Variants in ODAD1 observed in about 807,000 individuals in gnomAD.
The protein encoded by ODAD1 is outer dynein arm docking complex subunit 1.
Under a neutral mutation model 67.2 loss-of-function variants are expected in ODAD1, and 49 were observed. That is an observed-to-expected ratio of 0.73 (90% CI 0.58 to 0.92). The LOEUF is 0.92. ODAD1 is among the 40% of genes least tolerant of loss of function. The probability of loss-of-function intolerance (pLI) is 0.00; values close to 1 mark genes in which losing one functional copy is unlikely to be tolerated. For missense variants in ODAD1, 897 were observed against 953.7 expected (o/e 0.94, Z 0.78); for synonymous variants, 345 against 393.7 (o/e 0.88, Z 1.46).
chr19:48,309,255 G>C (rs1333312599), intron 7 of ODAD1, among the ~76,000 whole-genome samples: 2 of 152,180 alleles, frequency 1.3e-5, no homozygotes, highest in African/African-American at 4.8e-5. Flanking sequence ...CAAGTACCCG[G>C]TAAGGTCCCT....
chr19:48,321,859 G>A lies in ODAD1; in HGVS notation c.-245C>T. 2.5e-6 allele frequency: 1 copy of A among 398,624 alleles called. No individual in the cohort carries two copies. 24.7% of individuals were successfully genotyped at this position (398,624 alleles called of 1,614,324 possible). The stretch of plus-strand genomic sequence containing the variant: ...GTGTCGAAGCCGGGAGTTGCGCGGA[G>A]AAGGAGCGCTCAACACAGCCTCAGC... On this transcript the variant is annotated 5_prime_UTR_variant, in exon 1 of 16. Coordinates refer to ENST00000674294, the MANE Select transcript of ODAD1 (RefSeq NM_001364171.2).
At position 48,298,268 on chromosome 19, in the gene ODAD1, C is replaced by T. The variant is rs201757586; in HGVS notation, c.1313G>A (p.Ser438Asn). The change falls in exon 13 of 16, where the codon AGC becomes AAC. Residue 438 changes from serine (S) to asparagine (N), a missense_variant. Physicochemically the swap from Ser to Asn is conservative, Grantham distance 46. Transcript: ENST00000674294. ...MIDDLLGVKTSMGDRDMGLFL... is the reference protein window; with the variant it reads ...MIDDLLGVKTNMGDRDMGLFL... ...GAGGCCCATGTCCCGGTCTCCCATG[C>T]TGGTCTTGACCCCAAGGAGGTCATC... 4.0e-5 allele frequency: 65 copies of T among 1,614,176 alleles called. No homozygotes were observed. In the Admixed American group the frequency reaches 7.3e-4, roughly 18 times the overall value.
At position 48,318,639 on chromosome 19, in the gene ODAD1, C is replaced by A. The variant is rs73047547; in HGVS notation, c.171-63G>T. ...GGGCAGAACTCAGCATCACTAAAGG[C>A]AGGACCCAGGAGTCCAGTCTTCAGC... is the stretch of plus-strand genomic sequence containing the variant. On this transcript the variant is annotated intron_variant, in intron 4 of 15. Transcript: ENST00000674294. 248,010 of 1,537,564 alleles carry A rather than the reference C, an allele frequency of 0.16. 21,724 individuals carry two copies. The highest frequency in any genetic ancestry group is 0.19 in the Middle Eastern group (1,151 of 5,964).
At position 48,321,775 on chromosome 19, in the gene ODAD1, G is replaced by A; in HGVS notation, c.-161C>T. On this transcript the variant is annotated 5_prime_UTR_variant, in exon 1 of 16. Coordinates refer to ENST00000674294, the MANE Select transcript of ODAD1 (RefSeq NM_001364171.2). ...GGTCCTACAAGACGGAGCCCGAGAG[G>A]TGCCGGTCTTAAGCTGACTGTGACC... The A allele has an allele frequency of 5.0e-6, 2 of 398,620 alleles. No individual in the cohort carries two copies. Among genetic ancestry groups the A allele is most frequent in the Non-Finnish European group, 8.8e-6 (2 of 226,044 alleles). 24.7% of individuals were successfully genotyped at this position (398,620 alleles called of 1,614,324 possible). A position where few individuals can be genotyped will look rare whatever the true frequency, so the allele number is the denominator to read the frequency against.
intron 12 of ODAD1, 119 bp downstream of exon 12, chr19:48,302,573 TGG>T: frequency 1.4e-6 from 1 of 735,162 alleles, no homozygotes; most frequent in Non-Finnish European, 2.2e-6. Context: ...TGGACAGATA[TGG>T]GGCAACTGAT....
Position 48,298,094 on chromosome 19 carries a change from A to G in ODAD1, c.1408T>C (p.Phe470Leu), listed in dbSNP as rs1451444130. 1 of 1,612,684 alleles carries G rather than the reference A, an allele frequency of 6.2e-7. No homozygotes were observed. Among genetic ancestry groups the G allele is most frequent in the African/African-American group, 1.3e-5 (1 of 74,774 alleles). The change falls in exon 14 of 16, where the codon TTC becomes CTC. Residue 470 changes from phenylalanine (F) to leucine (L), a missense_variant. By Grantham distance (22) the Phe-to-Leu change is conservative. Transcript: ENST00000674294. ...TVQAFLHAQS[F>L]TSLADAALLV... ...AGGGCAGCGTCGGCCAGGGAGGTGA[A>G]GCTCTGGAGAGTGTGGGAGCCTGCG...
chr19:48,305,085 C>T (rs1003427125), intron 8 of ODAD1, among the ~76,000 whole-genome samples: 3 of 152,060 alleles, frequency 2.0e-5, no homozygotes, highest in African/African-American at 4.8e-5. Flanking sequence ...CAGCTGATGT[C>T]GATCAGGGAC....
At chr19:48,318,636 A>T in intron 4 of ODAD1, 60 bp from the exon 5 acceptor site, 2 of 1,541,284 alleles carry the variant, frequency 1.3e-6, no homozygotes, top group Non-Finnish European at 1.8e-6. Flanking sequence ...GCATCACTAA[A>T]GGCAGGACCC....
intron 12 of ODAD1, among the ~76,000 whole-genome samples, chr19:48,302,101 T>TGGATGGATGGATG (rs1968479162): frequency 6.9e-6 from 1 of 144,766 alleles, no homozygotes. Flanking sequence ...GATGAATGGA[T>TGGATGGATGGATG]GGATGGATGG....
At chr19:48,302,367 AATGGATGGATGGATGGATGG>A (rs3077987) in intron 12 of ODAD1, among the ~76,000 whole-genome samples, 4 of 142,502 alleles carry the variant, frequency 2.8e-5, no homozygotes, top group African/African-American at 1.0e-4. Context: ...ACAGACGTTG[AATGGATGGATGGATGGATGG>A]ATGGATGGAT....
chr19:48,317,563 C>A (rs1243176184), intron 5 of ODAD1, among the ~76,000 whole-genome samples: 3 of 152,186 alleles, frequency 2.0e-5, no homozygotes, highest in Non-Finnish European at 2.9e-5. Flanking sequence ...AACATGCGAA[C>A]CTTTCCTGCT....
At chr19:48,297,841 CT>C in intron 14 of ODAD1, 158 bp downstream of exon 14, 1 of 822,552 alleles carries the variant, frequency 1.2e-6, no homozygotes. Context: ...GCCCCTACTC[CT>C]TCTGGCTGCC....
rs964351739 is a variant in ODAD1, at chr19:48,302,625, C to T, written c.1240+69G>A. On this transcript the variant is annotated intron_variant, in intron 12 of 15. Transcript: ENST00000674294. The stretch of plus-strand genomic sequence containing the variant: ...GGTTGTCCATGCAATGCCTCCAAGC[C>T]CCGCGGGCTGATGGTGTCCTTCCAA... 21 of 1,380,476 alleles carry T rather than the reference C, an allele frequency of 1.5e-5. No homozygotes were observed. In the East Asian group the frequency reaches 4.8e-4, roughly 32 times the overall value. The allele number at this position is 1,380,476 out of a possible 1,614,324, so 85.5% of individuals were successfully genotyped here.
intron 7 of ODAD1, among the ~76,000 whole-genome samples, chr19:48,308,738 T>C (rs1197719115): frequency 1.3e-5 from 2 of 151,746 alleles, no homozygotes; most frequent in Non-Finnish European, 2.9e-5. Flanking sequence ...CCAGGCCTTC[T>C]GCTCCACAGA....
chr19:48,316,293 ATGTT>A (rs1309773312), intron 5 of ODAD1, among the ~76,000 whole-genome samples: 1 of 151,908 alleles, frequency 6.6e-6, no homozygotes, highest in African/African-American at 2.4e-5. Context: ...AGACAGGAGA[ATGTT>A]TGAACCCAGG....
chr19:48,303,222 A>G, intron 10 of ODAD1, 127 bp from the exon 11 acceptor site: 6 of 747,510 alleles, frequency 8.0e-6, no homozygotes, highest in Non-Finnish European at 1.2e-5. Flanking sequence ...CACAGAAACC[A>G]AGGCAGAGAG....
intron 5 of ODAD1, among the ~76,000 whole-genome samples, chr19:48,314,170 G>C (rs1279296914): frequency 6.6e-6 from 1 of 152,276 alleles, no homozygotes; most frequent in Non-Finnish European, 1.5e-5. Flanking sequence ...TTGAACCCAG[G>C]GGGTGGAGGC....
Position 48,318,715 on chromosome 19 carries a change from T to G in ODAD1, c.168A>C (p.Gln56His). The G allele has an allele frequency of 6.5e-7, 1 of 1,549,454 alleles. No individual in the cohort carries two copies. The highest frequency in any genetic ancestry group is 8.7e-7 in the Non-Finnish European group (1 of 1,145,038). The change falls in exon 4 of 16, where the codon CAA becomes CAC. Residue 56 changes from glutamine (Q) to histidine (H), a missense_variant and splice_region_variant. Gln to His is a conservative substitution (Grantham distance 24). Transcript: ENST00000674294. ...SKEVHQRINK[Q>H]LEEIRRLEEV... Reference sequence around the variant, plus strand: ...CAGGGCCCAGGCGCCCAGCTCACAGTTGCTTGTTGATGCGCTGGTGGACTT... The same window carrying G: ...CAGGGCCCAGGCGCCCAGCTCACAGGTGCTTGTTGATGCGCTGGTGGACTT...
chr19:48,312,311 T>C (rs938913608), intron 5 of ODAD1, among the ~76,000 whole-genome samples, 195 bp from the exon 6 acceptor site: 2 of 151,704 alleles, frequency 1.3e-5, no homozygotes, highest in African/African-American at 2.4e-5. Context: ...TGTATCACCC[T>C]ATCAGCCACA....
Sources: allele counts gnomAD v4.1 joint callset (sites outside exome capture counted in the v4.1 genomes callset), GRCh38; gene constraint gnomAD v4.1.1; transcripts MANE v1.5; gene names NCBI Gene and HGNC (gene_info 2026-07-23, HGNC 2026-07-21).